FAU: variants seen among roughly 807,000 people sequenced by gnomAD.
FAU encodes the protein ubiquitin-like FUBI-ribosomal protein eS30 fusion protein.
For missense variants in FAU, 125 were observed against 173.9 expected (o/e 0.72, Z 1.58); for synonymous variants, 70 against 69.9 (o/e 1.00, Z -0.01).
At position 65,121,560 on chromosome 11, in the gene FAU, G is replaced by A; in HGVS notation, c.160C>T (p.Leu54=). 6 of 1,614,028 alleles carry A rather than the reference G, an allele frequency of 3.7e-6. No homozygotes were observed. In the South Asian group the frequency reaches 5.5e-5, roughly 15 times the overall value. Reference sequence around the variant, plus strand: ...AGGGCCTCCACCCCGCACTGGCCCAGAGTGGCCTCATCCTCCAGGGGCGCG... The same window carrying A: ...AGGGCCTCCACCCCGCACTGGCCCAAAGTGGCCTCATCCTCCAGGGGCGCG... ...AGAPLEDEAT[L]GQCGVEALTT... is the part of the protein sequence containing the mutation. The change falls in exon 3 of 5, where the codon CTG becomes TTG. Residue 54 remains leucine, a synonymous_variant. Transcript: ENST00000529639.
At chr11:65,122,060 C>T in intron 1 of FAU, 30 bp downstream of exon 1, 4 of 602,884 alleles carry the variant, frequency 6.6e-6, no homozygotes, top group Non-Finnish European at 1.2e-5. Context: ...GCTACAAGCC[C>T]TTCGGATCCA....
chr11:65,121,455 C>A, intron 3 of FAU, 45 bp downstream of exon 3: 1 of 1,597,558 alleles, frequency 6.3e-7, no homozygotes, highest in Non-Finnish European at 8.5e-7. Context: ...CCCACACTCA[C>A]TAGACGCTTA....
At chr11:65,121,943 G>GC in intron 1 of FAU, 122 bp from the exon 2 acceptor site, 1 of 1,012,480 alleles carries the variant, frequency 9.9e-7, no homozygotes, top group South Asian at 1.4e-5. Flanking sequence ...CGGCTCACGT[G>GC]GGGAAGGCCA....
chr11:65,121,877 G>A (rs538212732), intron 1 of FAU, 56 bp from the exon 2 acceptor site: 42 of 1,567,328 alleles, frequency 2.7e-5, no homozygotes, highest in South Asian at 2.6e-4. Flanking sequence ...TGGGATAAAG[G>A]AGATTTGGGA....
intron 3 of FAU, 196 bp from the exon 4 acceptor site, chr11:65,121,232 G>C (rs1948044094): frequency 2.7e-6 from 2 of 741,730 alleles, no homozygotes; most frequent in Non-Finnish European, 4.3e-6. Context: ...GAGCACTTTG[G>C]GGGCCCTGGT....
Position 65,122,078 on chromosome 11 carries a change from C to T in FAU, c.-9+12G>A. ...ACAAGCCCTTCGGATCCAGCCAAGG[C>T]CCCATTCTTACCTGAACGGCGGTCC... On this transcript the variant is annotated intron_variant, in intron 1 of 4. Transcript: ENST00000529639. 1 of 601,442 alleles carries T rather than the reference C, an allele frequency of 1.7e-6. No homozygotes were observed. The highest frequency in any genetic ancestry group is 2.9e-6 in the Non-Finnish European group (1 of 339,898). The allele number at this position is 601,442 out of a possible 1,614,324, so 37.3% of individuals were successfully genotyped here.
chr11:65,120,790 T>G lies in FAU; in HGVS notation c.293A>C (p.Lys98Thr), dbSNP rs1304378094. 3 of 1,614,122 alleles carry G rather than the reference T, an allele frequency of 1.9e-6. No homozygotes were observed. Among genetic ancestry groups the G allele is most frequent in the Non-Finnish European group, 2.5e-6 (3 of 1,180,002 alleles). Residue 98 changes from lysine (K) to threonine (T), a missense_variant, in exon 5 of 5, where the codon AAG (lysine) becomes ACG (threonine). By Grantham distance (78) the Lys-to-Thr change is moderately conservative. Transcript: ENST00000529639. ...GQTPKVAKQE[K>T]KKKKTGRAKR... Reference sequence around the variant, plus strand: ...AGCCCGACCTGTCTTCTTCTTCTTCTTCTCCTGTTTGGCCACCTGGAGAAG... The same window carrying G: ...AGCCCGACCTGTCTTCTTCTTCTTCGTCTCCTGTTTGGCCACCTGGAGAAG...
Position 65,120,643 on chromosome 11 carries a change from T to C in FAU, c.*38A>G. The C allele has an allele frequency of 5.0e-6, 8 of 1,611,442 alleles. No individual in the cohort carries two copies. Among genetic ancestry groups the C allele is most frequent in the Non-Finnish European group, 6.8e-6 (8 of 1,178,944 alleles). On this transcript the variant is annotated 3_prime_UTR_variant, in exon 5 of 5. Coordinates refer to ENST00000529639, the MANE Select transcript of FAU (RefSeq NM_001997.5). Reference sequence around the variant, plus strand: ...GAAACAATGCGATGACTGAACTAAGTGGCTTTTTTATTAGAGAAAGCCAGA... The same window carrying C: ...GAAACAATGCGATGACTGAACTAAGCGGCTTTTTTATTAGAGAAAGCCAGA...
chr11:65,121,745 C>T lies in FAU; in HGVS notation c.69G>A (p.Gln23=), dbSNP rs765861043. Residue 23 remains glutamine, a synonymous_variant, in exon 2 of 5, where the codon CAG becomes CAA. Transcript: ENST00000529639. ...FEVTGQETVA[Q]IKAHVASLEG... ...GCGCACCAAGCAGCCTTACCTTGAT[C>T]TGGGCGACCGTTTCCTGGCCGGTCA... The T allele has an allele frequency of 5.0e-6, 8 of 1,614,124 alleles. 1 individual carries two copies. In the South Asian group the frequency reaches 5.5e-5, roughly 11 times the overall value.
At chr11:65,120,905 T>C in intron 4 of FAU, 76 bp downstream of exon 4, 2 of 1,609,676 alleles carry the variant, frequency 1.2e-6, no homozygotes, top group Non-Finnish European at 1.7e-6. Context: ...GCAAACCGAG[T>C]AAGAGCCCAG....
chr11:65,121,195 C>A, intron 3 of FAU, 159 bp from the exon 4 acceptor site: 1 of 831,090 alleles, frequency 1.2e-6, no homozygotes, highest in East Asian at 2.6e-5. Context: ...AGTTTCATTT[C>A]AGGATCTTCC....
At chr11:65,121,950 G>A (rs1590821196) in intron 1 of FAU, 129 bp from the exon 2 acceptor site, 1 of 893,030 alleles carries the variant, frequency 1.1e-6, no homozygotes, top group Non-Finnish European at 1.7e-6. Context: ...CGTGGGGAAG[G>A]CCAGGCCTCC....
Position 65,122,090 on chromosome 11 carries a change from C to G in FAU, c.-9G>C, listed in dbSNP as rs901973258. On this transcript the variant is annotated splice_region_variant and 5_prime_UTR_variant, in exon 1 of 5. Transcript: ENST00000529639. Reference sequence around the variant, plus strand: ...GATCCAGCCAAGGCCCCATTCTTACCTGAACGGCGGTCCCAGCTACCGCGA... The same window carrying G: ...GATCCAGCCAAGGCCCCATTCTTACGTGAACGGCGGTCCCAGCTACCGCGA... 1.5e-5 allele frequency: 9 copies of G among 599,768 alleles called. No homozygotes were observed. The highest frequency in any genetic ancestry group is 2.7e-5 in the Non-Finnish European group (9 of 338,590). 37.2% of individuals were successfully genotyped at this position (599,768 alleles called of 1,614,324 possible).
chr11:65,121,318 G>C, intron 3 of FAU, 182 bp downstream of exon 3: 2 of 831,334 alleles, frequency 2.4e-6, no homozygotes, highest in Non-Finnish European at 3.7e-6. Flanking sequence ...CTACACTCTG[G>C]CTCAGTCTCC....
chr11:65,122,107 C>A lies in FAU; in HGVS notation c.-26G>T, dbSNP rs949099973. On this transcript the variant is annotated 5_prime_UTR_variant, in exon 1 of 5. Coordinates refer to ENST00000529639, the MANE Select transcript of FAU (RefSeq NM_001997.5). ...ATTCTTACCTGAACGGCGGTCCCAG[C>A]TACCGCGAAGATGGAGTCGAGAAAG... is the stretch of plus-strand genomic sequence containing the variant. The A allele has an allele frequency of 1.7e-6, 1 of 600,042 alleles. No homozygotes were observed. Among genetic ancestry groups the A allele is most frequent in the Non-Finnish European group, 3.0e-6 (1 of 338,278 alleles). 37.2% of individuals were successfully genotyped at this position (600,042 alleles called of 1,614,324 possible).
chr11:65,121,224 G>T, intron 3 of FAU, 188 bp from the exon 4 acceptor site: 1 of 752,772 alleles, frequency 1.3e-6, no homozygotes, highest in Non-Finnish European at 2.1e-6. Flanking sequence ...ATTTTATAGA[G>T]CACTTTGGGG....
Position 65,121,809 on chromosome 11 carries a change from T to A in FAU, c.5A>T (p.Gln2Leu). The change falls in exon 2 of 5, where the codon CAG becomes CTG. Residue 2 changes from glutamine to leucine, a missense_variant. By Grantham distance (113) the Gln-to-Leu change is moderately radical. Coordinates refer to ENST00000529639, the MANE Select transcript of FAU (RefSeq NM_001997.5). Reference sequence around the variant, plus strand: ...TAGCTCCTGGGCGCGGACAAAGAGCTGCATATTGGCGACTGAGTAAAGAAA... The same window carrying A: ...TAGCTCCTGGGCGCGGACAAAGAGCAGCATATTGGCGACTGAGTAAAGAAA... MQLFVRAQELHT... is the reference protein window; with the variant it reads MLLFVRAQELHT... 1 of 1,614,018 alleles carries A rather than the reference T, an allele frequency of 6.2e-7. No individual in the cohort carries two copies. The highest frequency in any genetic ancestry group is 8.5e-7 in the Non-Finnish European group (1 of 1,180,012).
chr11:65,120,969 A>G lies in FAU; in HGVS notation c.276+12T>C, dbSNP rs1948041614. 6.2e-7 allele frequency: 1 copy of G among 1,613,384 alleles called. No homozygotes were observed. Among genetic ancestry groups the G allele is most frequent in the African/African-American group, 1.3e-5 (1 of 74,664 alleles). On this transcript the variant is annotated intron_variant, in intron 4 of 4. Coordinates refer to ENST00000529639, the MANE Select transcript of FAU (RefSeq NM_001997.5). ...AAGTCCTAACACCATGACCACTAATACTCTCACTCACCTTAGGAGTCTGAC... is the reference window on the plus strand; with the variant it reads ...AAGTCCTAACACCATGACCACTAATGCTCTCACTCACCTTAGGAGTCTGAC...
intron 4 of FAU, 43 bp downstream of exon 4, chr11:65,120,938 G>GA (rs772514094): frequency 3.7e-6 from 6 of 1,610,338 alleles, no homozygotes; most frequent in South Asian, 3.3e-5. Flanking sequence ...GCTGTGAAAG[G>GA]AAAAAAAGTC....
Sources: gnomAD v4.1 joint callset for allele counts on GRCh38, gnomAD v4.1.1 for gene constraint, MANE v1.5 for transcripts, NCBI Gene and HGNC (gene_info 2026-07-23, HGNC 2026-07-21) for gene names.